Variants in SORCS2 observed in about 807,000 individuals in gnomAD.
SORCS2 encodes VPS10 domain-containing receptor SorCS2.
In SORCS2, 100 loss-of-function variants were observed where a neutral mutation model predicts 141.6. That is an observed-to-expected ratio of 0.71 (90% CI 0.60 to 0.83). The LOEUF is 0.83. SORCS2 is among the 40% of genes least tolerant of loss of function. SORCS2 has a pLI of 0.00. For missense variants in SORCS2, 1,646 were observed against 1,560.2 expected (o/e 1.05, Z -0.93); for synonymous variants, 789 against 676.9 (o/e 1.17, Z -2.57).
At chr4:7,506,162 G>C (rs114359720) in intron 2 of SORCS2, among the ~76,000 whole-genome samples, 1 of 152,246 alleles carries the variant, frequency 6.6e-6, no homozygotes, top group South Asian at 2.1e-4. Context: ...CAGCCACAGC[G>C]TCCTGTGTGC....
chr4:7,284,915 C>T (rs1035227031), intron 1 of SORCS2, among the ~76,000 whole-genome samples: 2 of 151,952 alleles, frequency 1.3e-5, no homozygotes, highest in South Asian at 2.1e-4. Context: ...GTGGCTGTGT[C>T]GTTTCACTCT....
rs189558350 is a variant in SORCS2, at chr4:7,643,611, G to A, written c.813+5119G>A. On this transcript the variant is annotated intron_variant, in intron 4 of 26. Transcript: ENST00000507866. ...GAACAGGGGCTTAAAGAATGGATCA[G>A]AATGTATCTTTAATTTGTAATACAT... Among the ~76,000 whole-genome samples the A allele has an allele frequency of 4.6e-3, 703 of 152,280 alleles. 3 individuals carry two copies. Among genetic ancestry groups the A allele is most frequent in the Non-Finnish European group, 8.4e-3 (568 of 68,018 alleles).
intron 1 of SORCS2, among the ~76,000 whole-genome samples, chr4:7,337,010 G>A (rs1418373995): frequency 6.6e-6 from 1 of 152,200 alleles, no homozygotes; most frequent in Non-Finnish European, 1.5e-5. Flanking sequence ...TTACGTCAGA[G>A]TGCTGGGAAT....
At chr4:7,214,377 C>T (rs1728209153) in intron 1 of SORCS2, among the ~76,000 whole-genome samples, 1 of 152,136 alleles carries the variant, frequency 6.6e-6, no homozygotes, top group Non-Finnish European at 1.5e-5. Context: ...CTTTCTCACC[C>T]TAGCCTTTCT....
intron 2 of SORCS2, among the ~76,000 whole-genome samples, chr4:7,490,612 AACAG>A (rs1342904674): frequency 2.2e-4 from 34 of 152,262 alleles, no homozygotes; most frequent in African/African-American, 7.0e-4. Context: ...ATGCAGAGAA[AACAG>A]ACAGACAGAT....
chr4:7,287,560 C>A (rs1456433207), intron 1 of SORCS2, among the ~76,000 whole-genome samples: 1 of 152,254 alleles, frequency 6.6e-6, no homozygotes, highest in Non-Finnish European at 1.5e-5. Flanking sequence ...GGAGGGAGCA[C>A]GTTCGGACTT....
Position 7,192,676 on chromosome 4 carries a change from G to C in SORCS2, c.30G>C (p.Ser10=), listed in dbSNP as rs2108841244. Residue 10 remains serine (S), a synonymous_variant, in exon 1 of 27, where the codon TCG becomes TCC. Transcript: ENST00000507866. This position sits in a 1 kb window ranked among gnomAD's most constrained non-coding sequence, Gnocchi z 4.0. ...CGCACCGGGGGCCCTCGCGCGCCTC[G>C]AAGGGCCCCGGCCCCACCGCCCGAG... MAHRGPSRA[S]KGPGPTARAP... 1 of 987,944 alleles carries C rather than the reference G, an allele frequency of 1.0e-6. No homozygotes were observed. The highest frequency in any genetic ancestry group is 1.1e-4 in the East Asian group (1 of 8,900). The allele number at this position is 987,944 out of a possible 1,614,324, so 61.2% of individuals were successfully genotyped here. A position where few individuals can be genotyped will look rare whatever the true frequency, so the allele number is the denominator to read the frequency against.
chr4:7,586,701 T>C (rs1716560996), intron 3 of SORCS2, among the ~76,000 whole-genome samples: 1 of 152,234 alleles, frequency 6.6e-6, no homozygotes, highest in Admixed American at 6.5e-5. Flanking sequence ...ATGGTGTATA[T>C]GTACCACATT....
intron 1 of SORCS2, among the ~76,000 whole-genome samples, chr4:7,264,889 C>T (rs1163272157): frequency 6.6e-6 from 1 of 152,256 alleles, no homozygotes; most frequent in Non-Finnish European, 1.5e-5. Flanking sequence ...CTCACCCTGC[C>T]ATGCCAGACC....
At chr4:7,641,679 T>C (rs1038390982) in intron 4 of SORCS2, among the ~76,000 whole-genome samples, 2 of 151,854 alleles carry the variant, frequency 1.3e-5, no homozygotes, top group African/African-American at 4.8e-5. Flanking sequence ...ATTAGTTGGA[T>C]GGACAGATCG....
chr4:7,396,080 G>A (rs752895263), intron 1 of SORCS2, among the ~76,000 whole-genome samples: 39 of 152,182 alleles, frequency 2.6e-4, no homozygotes, highest in Admixed American at 1.3e-3. Context: ...CAGAGCACAA[G>A]CAAGTCCTCA....
intron 1 of SORCS2, among the ~76,000 whole-genome samples, chr4:7,204,232 T>G (rs1010464146): frequency 6.6e-6 from 1 of 152,104 alleles, no homozygotes; most frequent in Non-Finnish European, 1.5e-5. Flanking sequence ...TTTTTTCTTC[T>G]TGAGACTGGG....
At chr4:7,448,107 A>C (rs1728118818) in intron 2 of SORCS2, among the ~76,000 whole-genome samples, 1 of 152,306 alleles carries the variant, frequency 6.6e-6, no homozygotes, top group African/African-American at 2.4e-5. Context: ...GCGAGAGTCC[A>C]CTGTGGGAAG....
At chr4:7,667,083 G>T (rs763830950) in intron 7 of SORCS2, 41 bp from the exon 8 acceptor site, 1 of 1,537,386 alleles carries the variant, frequency 6.5e-7, no homozygotes, top group Non-Finnish European at 9.0e-7. Flanking sequence ...GGCTGGAGAG[G>T]GAATCAAGCC....
chr4:7,449,404 A>G (rs538570596), intron 2 of SORCS2, among the ~76,000 whole-genome samples: 45 of 108,858 alleles, frequency 4.1e-4, no homozygotes, highest in African/African-American at 1.4e-3. Flanking sequence ...CACCTTCACA[A>G]TAGCCCAGGA....
chr4:7,543,487 TCATCCATCCATC>T lies in SORCS2; in HGVS notation c.648+11880_648+11891del, dbSNP rs144933241. ...TCCACCCACCCATCCATTCACCCAC[TCATCCATCCATC>T]CATCCATCCATCCATCCATCCGTCC... is the stretch of plus-strand genomic sequence containing the variant. On this transcript the variant is annotated intron_variant, in intron 3 of 26. Coordinates refer to ENST00000507866, the MANE Select transcript of SORCS2 (RefSeq NM_020777.3). Among the ~76,000 whole-genome samples the T allele has an allele frequency of 2.3e-3, 261 of 114,140 alleles. 1 individual carries two copies. Among genetic ancestry groups the T allele is most frequent in the African/African-American group, 8.1e-3 (225 of 27,674 alleles). The allele number at this position is 114,140 out of a possible 152,430, so 74.9% of individuals were successfully genotyped here. A position where few individuals can be genotyped will look rare whatever the true frequency, so the allele number is the denominator to read the frequency against.
In SORCS2 at chr4:7,636,411, G is replaced by A. The variant is rs114115150; in HGVS notation, c.649-1917G>A. 6.2e-3 allele frequency among the ~76,000 whole-genome samples: 952 copies of A among 152,354 alleles called. 8 individuals are homozygous for A. The highest frequency in any genetic ancestry group is 0.021 in the African/African-American group (881 of 41,588). On this transcript the variant is annotated intron_variant, in intron 3 of 26. Coordinates refer to ENST00000507866, the MANE Select transcript of SORCS2 (RefSeq NM_020777.3). ...TGAATGAATGAATTAATGAAGGAAC[G>A]AACGAACACTGTGTGCTTGTAGGAT...
chr4:7,403,997 ATT>A (rs60403055), intron 2 of SORCS2, among the ~76,000 whole-genome samples: 75 of 18,944 alleles, frequency 4.0e-3, no homozygotes, highest in African/African-American at 9.4e-3. Flanking sequence ...ATATATATAT[ATT>A]TTTTTTTTTT....
intron 3 of SORCS2, among the ~76,000 whole-genome samples, chr4:7,628,068 G>A (rs1719630335): frequency 2.0e-5 from 3 of 152,206 alleles, no homozygotes; most frequent in South Asian, 4.1e-4. Context: ...GCCTGTCAGC[G>A]GTCATGTGAA....
Sources: allele counts gnomAD v4.1 joint callset (sites outside exome capture counted in the v4.1 genomes callset), GRCh38; gene constraint gnomAD v4.1.1; non-coding constraint Gnocchi (gnomAD v3.1); transcripts MANE v1.5; gene names NCBI Gene and HGNC (gene_info 2026-07-23, HGNC 2026-07-21).